The following LDLRAD3 variants were observed in gnomAD, a reference collection of about 807,000 sequenced individuals.
LDLRAD3 encodes the protein low density lipoprotein receptor class A domain containing 3, also known as low-density lipoprotein receptor class A domain-containing protein 3.
Under a neutral mutation model 29.4 loss-of-function variants are expected in LDLRAD3, and 20 were observed. That is an observed-to-expected ratio of 0.68 (90% CI 0.48 to 0.99). The LOEUF (loss-of-function observed/expected upper bound fraction) is 0.99. Ranked by LOEUF, LDLRAD3 falls within the 50% of genes least tolerant of loss-of-function variation. The pLI is 0.00. For synonymous variants in LDLRAD3, 157 were observed against 192.7 expected (o/e 0.81, Z 1.53); for missense variants, 420 against 454.3 (o/e 0.92, Z 0.69).
intron 4 of LDLRAD3, among the ~76,000 whole-genome samples, chr11:36,139,893 T>C (rs937862092): frequency 4.6e-5 from 7 of 152,180 alleles, no homozygotes; most frequent in African/African-American, 1.7e-4. Context: ...CCAGCCGAAG[T>C]GAATGTGCTG....
chr11:36,114,143 C>G (rs1853642678), intron 4 of LDLRAD3, among the ~76,000 whole-genome samples: 1 of 152,146 alleles, frequency 6.6e-6, no homozygotes, highest in Non-Finnish European at 1.5e-5. Flanking sequence ...GTAGCATGGG[C>G]TGTAGGTTTT....
chr11:36,022,551 G>A (rs1480798147), intron 1 of LDLRAD3, among the ~76,000 whole-genome samples: 2 of 152,110 alleles, frequency 1.3e-5, no homozygotes, highest in East Asian at 3.9e-4. Flanking sequence ...TGATTACCCA[G>A]GGAGACTGTC....
chr11:35,949,771 C>T (rs1419623108), intron 1 of LDLRAD3, among the ~76,000 whole-genome samples: 1 of 152,058 alleles, frequency 6.6e-6, no homozygotes, highest in Non-Finnish European at 1.5e-5. Flanking sequence ...AGCCACATAA[C>T]TTATCTGCAG....
chr11:36,075,754 T>G (rs1852988841), intron 2 of LDLRAD3, among the ~76,000 whole-genome samples: 1 of 152,212 alleles, frequency 6.6e-6, no homozygotes, highest in Admixed American at 6.5e-5. Context: ...ACTTACTTAT[T>G]CAACAATTTT....
chr11:36,037,405 T>C (rs1031271030), intron 2 of LDLRAD3, among the ~76,000 whole-genome samples: 3 of 151,720 alleles, frequency 2.0e-5, no homozygotes, highest in Admixed American at 6.6e-5. Flanking sequence ...AACCCCCACC[T>C]CCCGGGTTCA....
chr11:35,998,871 C>T (rs909637557), intron 1 of LDLRAD3, among the ~76,000 whole-genome samples: 2 of 152,184 alleles, frequency 1.3e-5, no homozygotes, highest in African/African-American at 4.8e-5. Flanking sequence ...ATCCTTTGGC[C>T]TGGTCACCTC....
At chr11:36,043,080 G>C (rs1277301938) in intron 2 of LDLRAD3, among the ~76,000 whole-genome samples, 1 of 152,224 alleles carries the variant, frequency 6.6e-6, no homozygotes, top group Non-Finnish European at 1.5e-5. Flanking sequence ...GGGAGGCCAA[G>C]GTGGGCAGAT....
rs147028429 is a variant in LDLRAD3 at position 35,957,437 on chromosome 11, C to T, written c.46+13293C>T. ...TGTAGGAGATGACATTACCTGGCCC[C>T]TCTGCTTTTACATGATGGTCATGAG... On this transcript the variant is annotated intron_variant, in intron 1 of 5. Coordinates refer to ENST00000315571, the MANE Select transcript of LDLRAD3 (RefSeq NM_174902.4). Among the ~76,000 whole-genome samples, 540 of 152,302 alleles carry T rather than the reference C, an allele frequency of 3.5e-3. 3 individuals are homozygous for T. Among genetic ancestry groups the T allele is most frequent in the African/African-American group, 0.012 (516 of 41,548 alleles).
At chr11:35,982,352 A>G (rs182070946) in intron 1 of LDLRAD3, among the ~76,000 whole-genome samples, 8 of 151,800 alleles carry the variant, frequency 5.3e-5, no homozygotes, top group Admixed American at 4.6e-4. Flanking sequence ...CTCTCTGTAC[A>G]GGTCTGTCTC....
At chr11:36,210,243 C>T (rs920740928) in intron 4 of LDLRAD3, among the ~76,000 whole-genome samples, 12 of 152,130 alleles carry the variant, frequency 7.9e-5, no homozygotes, top group African/African-American at 2.9e-4. Flanking sequence ...GCCTGCCCTC[C>T]GTGGGATTCA....
At chr11:36,005,595 G>T (rs191606109) in intron 1 of LDLRAD3, among the ~76,000 whole-genome samples, 124 of 152,264 alleles carry the variant, frequency 8.1e-4, no homozygotes, top group African/African-American at 2.9e-3. Flanking sequence ...TCCAACCTCT[G>T]CCCATTACCC....
At chr11:36,191,538 G>GTCTCTCTCTCTCTCTC (rs751965155) in intron 4 of LDLRAD3, among the ~76,000 whole-genome samples, 48 of 55,678 alleles carry the variant, frequency 8.6e-4, no homozygotes, top group Admixed American at 3.1e-3. Flanking sequence ...GCAAGACCCT[G>GTCTCTCTCTCTCTCTC]TCTCTCTCTC....
At chr11:36,101,883 ATC>A in intron 4 of LDLRAD3, 3 of 326,784 alleles carry the variant, frequency 9.2e-6, no homozygotes, top group East Asian at 1.3e-4. Flanking sequence ...ACCCACTGTC[ATC>A]TTTTTTTTTT....
intron 4 of LDLRAD3, among the ~76,000 whole-genome samples, chr11:36,182,675 A>T (rs1054505083): frequency 6.6e-6 from 1 of 152,030 alleles, no homozygotes; most frequent in Non-Finnish European, 1.5e-5. Flanking sequence ...CTTCCCCTGG[A>T]GTAGGGATTG....
intron 4 of LDLRAD3, among the ~76,000 whole-genome samples, chr11:36,116,407 G>A (rs941958881): frequency 6.6e-6 from 1 of 152,016 alleles, no homozygotes; most frequent in Non-Finnish European, 1.5e-5. Context: ...ATAGCTGGGG[G>A]TGAAACCGAC....
chr11:36,161,575 GGGATGGATGGATGGAT>G (rs145773800), intron 4 of LDLRAD3, among the ~76,000 whole-genome samples: 57 of 151,556 alleles, frequency 3.8e-4, no homozygotes, highest in African/African-American at 1.3e-3. Context: ...GATTCATTTT[GGGATGGATGGATGGAT>G]GGATGGATGG....
At chr11:36,030,869 G>A (rs894200649) in intron 1 of LDLRAD3, among the ~76,000 whole-genome samples, 59 of 152,318 alleles carry the variant, frequency 3.9e-4, no homozygotes, top group Middle Eastern at 3.4e-3. Context: ...CCAGCTGGTA[G>A]GATGGAATTC....
At chr11:36,148,208 A>G (rs2133324657) in intron 4 of LDLRAD3, among the ~76,000 whole-genome samples, 1 of 152,280 alleles carries the variant, frequency 6.6e-6, no homozygotes, top group South Asian at 2.1e-4. Context: ...TATTAAATAA[A>G]TGTTATATAT....
At chr11:36,018,717 T>A (rs1852054520) in intron 1 of LDLRAD3, among the ~76,000 whole-genome samples, 1 of 152,236 alleles carries the variant, frequency 6.6e-6, no homozygotes, top group Non-Finnish European at 1.5e-5. Context: ...CAGTAGGGTC[T>A]GAGGGTGCCA....
Sources: allele counts gnomAD v4.1 joint callset (sites outside exome capture counted in the v4.1 genomes callset), GRCh38; gene constraint gnomAD v4.1.1; transcripts MANE v1.5; gene names NCBI Gene and HGNC (gene_info 2026-07-23, HGNC 2026-07-21).